Variants in TTC7A observed in about 807,000 individuals in gnomAD.
TTC7A encodes the protein tetratricopeptide repeat domain 7A.
TTC7A carries 110 observed loss-of-function variants against 103.7 expected under a neutral mutation model. The ratio of observed to expected loss-of-function variants is 1.06; its 90% confidence interval spans 0.91 to 1.24. The LOEUF (loss-of-function observed/expected upper bound fraction) is 1.24, where lower values mean the gene tolerates loss of function less well. Among genes scored for constraint, TTC7A ranks in the 50% most tolerant of loss-of-function variants. TTC7A has a pLI of 0.00. For missense variants in TTC7A, 1,340 were observed against 1,116.3 expected, an observed-to-expected ratio of 1.20 and a Z score of -2.86; for synonymous variants, 521 against 467.9, an observed-to-expected ratio of 1.11 and a Z score of -1.47.
rs1018237636 is a variant in TTC7A, at chr2:46,941,735, G to A, written c.184+10G>A. The A allele has an allele frequency of 1.3e-6, 2 of 1,548,830 alleles. No homozygotes were observed. Among genetic ancestry groups the A allele is most frequent in the African/African-American group, 1.4e-5 (1 of 73,032 alleles). On this transcript the variant is annotated intron_variant, in intron 1 of 19. Coordinates refer to ENST00000319190, the MANE Select transcript of TTC7A (RefSeq NM_020458.4). The surrounding 1 kb of genome is among the most constrained non-coding windows in gnomAD (Gnocchi z 4.2). ...ACCTTTCCGGACACCGGTGAGTAAG[G>A]GAAGAGGCTGGCTCGCCGGCAGCGA...
chr2:47,005,843 G>C, intron 8 of TTC7A, 79 bp from the exon 9 acceptor site: 1 of 1,535,752 alleles, frequency 6.5e-7, no homozygotes, highest in Non-Finnish European at 8.9e-7. Flanking sequence ...GGCTGGGCCA[G>C]CAAGGTGGGG....
At chr2:46,916,073 C>T (rs1668770589), upstream of TTC7A, 2 of 985,382 alleles carry the variant, frequency 2.0e-6, no homozygotes, top group South Asian at 4.7e-5. Flanking sequence ...CGGAAGCCCT[C>T]AGGAACGTAG....
In TTC7A at chr2:46,934,793, T is replaced by C. The variant is rs1405980171; in HGVS notation, c.83-15570T>C. On this transcript the variant is annotated intron_variant, in intron 2 of 20. Coordinates refer to the TTC7A transcript ENST00000409245. ...AGGTATGAAGACTACTGCTCTTTTT[T>C]TTTTTTTTTTTTTTTTTTTTTTTTT... is the stretch of plus-strand genomic sequence containing the variant. Among the ~76,000 whole-genome samples, 101 of 100,350 alleles carry C rather than the reference T, an allele frequency of 1.0e-3. 3 individuals are homozygous for C. Among genetic ancestry groups the C allele is most frequent in the South Asian group, 1.9e-3 (5 of 2,570 alleles). 65.8% of individuals were successfully genotyped at this position (100,350 alleles called of 152,430 possible). A position where few individuals can be genotyped will look rare whatever the true frequency, so the allele number is the denominator to read the frequency against.
chr2:47,051,358 G>A lies in TTC7A; in HGVS notation c.2018-388G>A, dbSNP rs761238644. Among the ~76,000 whole-genome samples the A allele has an allele frequency of 5.1e-4, 77 of 152,132 alleles. 2 individuals are homozygous for A. The highest frequency in any genetic ancestry group is 1.6e-4 in the Non-Finnish European group (11 of 68,012). On this transcript the variant is annotated intron_variant, in intron 17 of 19. Coordinates refer to ENST00000319190, the MANE Select transcript of TTC7A (RefSeq NM_020458.4). ...TCTTTCTACATTGATATCTGTATTT[G>A]TATTTTGTTATTTTAATGATCGCAG... is the stretch of plus-strand genomic sequence containing the variant.
rs534946951 is a variant in TTC7A at position 47,042,382 on chromosome 2, G to C, written c.1803-3933G>C. On this transcript the variant is annotated intron_variant, in intron 15 of 19. Coordinates refer to ENST00000319190, the MANE Select transcript of TTC7A (RefSeq NM_020458.4). The stretch of plus-strand genomic sequence containing the variant: ...TGGGTGTGGTGGCCCATGCCTGTTA[G>C]TCCTAACTACTCAGGAGGCTGAGGC... Among the ~76,000 whole-genome samples the C allele has an allele frequency of 1.2e-4, 18 of 152,098 alleles. No homozygotes were observed. The South Asian group carries it at 3.7e-3, about 32-fold the overall frequency.
intron 15 of TTC7A, among the ~76,000 whole-genome samples, chr2:47,033,267 C>T (rs1335536312): frequency 6.6e-6 from 1 of 152,248 alleles, no homozygotes; most frequent in African/African-American, 2.4e-5. Flanking sequence ...ACCAAACTCC[C>T]TTTGTCCTGA....
chr2:46,962,842 C>G lies in TTC7A; in HGVS notation c.517+5835C>G, dbSNP rs563256904. ...ATGGGAGTGGAACACTTGAGCCTAC[C>G]TGATAGGTTGAACAGTGCAAGGGCT... On this transcript the variant is annotated intron_variant, in intron 3 of 19. Coordinates refer to ENST00000319190, the MANE Select transcript of TTC7A (RefSeq NM_020458.4). Among the ~76,000 whole-genome samples, 5 of 152,384 alleles carry G rather than the reference C, an allele frequency of 3.3e-5. No individual in the cohort carries two copies. The South Asian group carries it at 1.0e-3, about 32-fold the overall frequency.
In TTC7A at chr2:47,075,380, C is replaced by T. The variant is rs1685138100; in HGVS notation, c.*1457C>T. On this transcript the variant is annotated 3_prime_UTR_variant, in exon 20 of 20. Transcript: ENST00000319190. ...TAGAAAAGTAAAGAAAAAGCAAATG[C>T]TGTTGGTTTATCTCAGGGTGCCCAA... is the stretch of plus-strand genomic sequence containing the variant. The T allele has an allele frequency of 3.3e-5, 5 of 152,058 alleles. No homozygotes were observed. Among genetic ancestry groups the T allele is most frequent in the Admixed American group, 2.6e-4 (4 of 15,270 alleles). The allele number at this position is 152,058 out of a possible 1,614,324, so 9.4% of individuals were successfully genotyped here.
At chr2:47,072,079 A>G (rs1381390940) in intron 19 of TTC7A, among the ~76,000 whole-genome samples, 1 of 151,988 alleles carries the variant, frequency 6.6e-6, no homozygotes, top group Non-Finnish European at 1.5e-5. Context: ...TTCCATTGTG[A>G]GCTGCTGGGG....
At chr2:47,055,571 C>A (rs981790706) in intron 18 of TTC7A, among the ~76,000 whole-genome samples, 4 of 152,140 alleles carry the variant, frequency 2.6e-5, no homozygotes, top group Non-Finnish European at 5.9e-5. Flanking sequence ...CCCTTCATCC[C>A]CCATGACCCC....
chr2:47,033,562 A>C lies in TTC7A; in HGVS notation c.1802+4178A>C, dbSNP rs377464885. On this transcript the variant is annotated intron_variant, in intron 15 of 19. Transcript: ENST00000319190. ...GAGCTGGTCCTTGTGTGAGAGCCAC[A>C]GTGAGGTCCCAGCCCTTGAGTCATG... is the stretch of plus-strand genomic sequence containing the variant. Among the ~76,000 whole-genome samples the C allele has an allele frequency of 2.2e-4, 33 of 152,316 alleles. No homozygotes were observed. The East Asian group carries it at 3.7e-3, about 17-fold the overall frequency.
At chr2:47,029,653 G>A (rs1680305306) in intron 15 of TTC7A, among the ~76,000 whole-genome samples, 1 of 152,194 alleles carries the variant, frequency 6.6e-6, no homozygotes, top group South Asian at 2.1e-4. Context: ...GGCCACAAAG[G>A]AGACTGCTTG....
chr2:47,071,445 C>G (rs1034496607), intron 19 of TTC7A, among the ~76,000 whole-genome samples: 3 of 152,344 alleles, frequency 2.0e-5, no homozygotes, highest in East Asian at 1.9e-4. Context: ...TGGAAGGACC[C>G]TCTGCTCATC....
At chr2:46,949,031 G>T (rs938084248) in intron 1 of TTC7A, among the ~76,000 whole-genome samples, 2 of 152,126 alleles carry the variant, frequency 1.3e-5, no homozygotes. Context: ...TGGTGGGCCT[G>T]CTCCTCACCC....
chr2:46,943,392 G>T (rs1291372393), intron 1 of TTC7A, among the ~76,000 whole-genome samples: 5 of 152,152 alleles, frequency 3.3e-5, no homozygotes, highest in Admixed American at 3.3e-4. Context: ...CGGAGCCTGG[G>T]CTGGCTTCAC....
At chr2:46,927,886 T>G (rs1162980295) in intron 2 of TTC7A, among the ~76,000 whole-genome samples, 6 of 95,058 alleles carry the variant, frequency 6.3e-5, no homozygotes, top group Admixed American at 2.1e-4. Context: ...TTTTTGGTGT[T>G]TTTTTTTTTT....
intron 8 of TTC7A, among the ~76,000 whole-genome samples, chr2:46,997,388 G>A (rs1337810131): frequency 6.6e-6 from 1 of 152,152 alleles, no homozygotes; most frequent in Non-Finnish European, 1.5e-5. Context: ...TTCTCAGCTA[G>A]GGAGGTTCCA....
At chr2:47,059,207 G>C (rs1443639837) in intron 18 of TTC7A, among the ~76,000 whole-genome samples, 1 of 151,528 alleles carries the variant, frequency 6.6e-6, no homozygotes, top group African/African-American at 2.4e-5. Flanking sequence ...ATTTTTACTA[G>C]AGACGGGGTT....
At chr2:47,003,707 C>T (rs1316515404) in intron 8 of TTC7A, among the ~76,000 whole-genome samples, 1 of 152,208 alleles carries the variant, frequency 6.6e-6, no homozygotes, top group Non-Finnish European at 1.5e-5. Flanking sequence ...ACCAGAATTC[C>T]AGGTCAGCCT....
Sources: allele counts gnomAD v4.1 joint callset (sites outside exome capture counted in the v4.1 genomes callset), GRCh38; gene constraint gnomAD v4.1.1; non-coding constraint Gnocchi (gnomAD v3.1); transcripts MANE v1.5; gene names NCBI Gene and HGNC (gene_info 2026-07-23, HGNC 2026-07-21).